Variants in ZNF346 observed in about 807,000 individuals in gnomAD.
The protein encoded by ZNF346 is zinc finger protein 346, also known as double-stranded RNA-binding zinc finger protein JAZ.
In ZNF346, 23 loss-of-function variants were observed where a neutral mutation model predicts 33.7. The ratio of observed to expected loss-of-function variants is 0.68; its 90% CI spans 0.49 to 0.97. ZNF346 has a LOEUF of 0.97. Among genes scored for constraint, ZNF346 ranks in the 50% least tolerant of loss-of-function variants. ZNF346 has a pLI of 0.00. For synonymous variants in ZNF346, 134 were observed against 142.4 expected, an observed-to-expected ratio of 0.94 and a Z score of 0.42; for missense variants, 340 against 371.1, an observed-to-expected ratio of 0.92 and a Z score of 0.69.
intron 1 of ZNF346, chr5:177,023,172 C>G: frequency 1.3e-6 from 2 of 1,536,204 alleles, no homozygotes; most frequent in Non-Finnish European, 1.7e-6. Context: ...CAGTTTTTCC[C>G]ACATTCGAGG....
chr5:177,026,966 A>G (rs1363533258), intron 1 of ZNF346, among the ~76,000 whole-genome samples: 1 of 152,178 alleles, frequency 6.6e-6, no homozygotes, highest in Non-Finnish European at 1.5e-5. Flanking sequence ...CTTAGCTCAA[A>G]AAGGGAGAAT....
At chr5:177,044,860 T>G (rs1200030588) in intron 4 of ZNF346, among the ~76,000 whole-genome samples, 1 of 152,148 alleles carries the variant, frequency 6.6e-6, no homozygotes, top group Non-Finnish European at 1.5e-5. Context: ...CCCACTAGAT[T>G]TTTCCATCCC....
At chr5:177,034,834 C>T (rs1778249074) in intron 1 of ZNF346, among the ~76,000 whole-genome samples, 2 of 152,298 alleles carry the variant, frequency 1.3e-5, no homozygotes, top group Non-Finnish European at 2.9e-5. Context: ...TGTCCAGCTT[C>T]ATAGGTTGAG....
intron 6 of ZNF346, among the ~76,000 whole-genome samples, chr5:177,062,844 A>G (rs774723664): frequency 2.0e-5 from 3 of 152,170 alleles, no homozygotes; most frequent in Non-Finnish European, 4.4e-5. Flanking sequence ...ATACATATAG[A>G]CAACCAGCAT....
At chr5:177,046,987 A>G (rs1780124920) in intron 4 of ZNF346, among the ~76,000 whole-genome samples, 2 of 151,998 alleles carry the variant, frequency 1.3e-5, no homozygotes, top group Non-Finnish European at 2.9e-5. Context: ...CAGTATGCAC[A>G]TATGGATTAC....
chr5:177,041,782 A>G lies in ZNF346; in HGVS notation c.284A>G (p.Lys95Arg). 6.2e-7 allele frequency: 1 copy of G among 1,612,384 alleles called. No homozygotes were observed. The highest frequency in any genetic ancestry group is 1.7e-5 in the Admixed American group (1 of 59,952). ...CTTTCTCCTGGGTTTTTGCAGAGCA[A>G]AAAACATGCCAACAAAGTGAAGAGA... ...ESQKLAHYQSKKHANKVKRYL... is the reference protein window; with the variant it reads ...ESQKLAHYQSRKHANKVKRYL... The change falls in exon 3 of 7, where the codon AAA becomes AGA. Residue 95 changes from lysine to arginine, a missense_variant. Coordinates refer to ENST00000358149, the MANE Select transcript of ZNF346 (RefSeq NM_012279.4).
chr5:177,023,162 C>T (rs1303522068), intron 1 of ZNF346: 6 of 1,534,420 alleles, frequency 3.9e-6, no homozygotes, highest in Admixed American at 3.9e-5. Context: ...CACTACAGCG[C>T]AGTTTTTCCC....
At chr5:177,031,791 G>A (rs1027077503) in intron 1 of ZNF346, among the ~76,000 whole-genome samples, 5 of 151,820 alleles carry the variant, frequency 3.3e-5, no homozygotes, top group Non-Finnish European at 1.5e-5. Flanking sequence ...ATTCTTCAAT[G>A]TTATTTCTCT....
intron 5 of ZNF346, among the ~76,000 whole-genome samples, chr5:177,057,416 A>T (rs1394681274): frequency 6.6e-6 from 1 of 151,944 alleles, no homozygotes; most frequent in Non-Finnish European, 1.5e-5. Flanking sequence ...GCAGGTGGCA[A>T]TCAAGCCAAA....
At chr5:177,071,672 G>T (rs150261438), downstream of ZNF346, among the ~76,000 whole-genome samples, 1 of 129,058 alleles carries the variant, frequency 7.7e-6, no homozygotes, top group Non-Finnish European at 1.6e-5. Context: ...GCGACAGAGC[G>T]AGACTCTGTC....
intron 6 of ZNF346, among the ~76,000 whole-genome samples, chr5:177,063,079 T>TTG (rs1782740196): frequency 1.3e-5 from 2 of 151,790 alleles, no homozygotes; most frequent in African/African-American, 4.8e-5. Flanking sequence ...TTTTTTTTTT[T>TTG]AGTAGAGATG....
intron 5 of ZNF346, among the ~76,000 whole-genome samples, chr5:177,053,248 G>A (rs1271093658): frequency 1.3e-5 from 2 of 150,790 alleles, no homozygotes; most frequent in South Asian, 2.1e-4. Context: ...CCCGGGAGGT[G>A]GAGGTTGCAG....
chr5:177,053,160 A>G (rs2149675270), intron 5 of ZNF346, among the ~76,000 whole-genome samples: 1 of 152,188 alleles, frequency 6.6e-6, no homozygotes, highest in Non-Finnish European at 1.5e-5. Context: ...TACTGAAAAT[A>G]GAAAAATTAG....
At chr5:177,079,837 G>A (rs1783909759) in exon 9 of ZNF346, 2 of 152,340 alleles carry the variant, frequency 1.3e-5, no homozygotes, top group South Asian at 4.1e-4. Flanking sequence ...CCCGGTGGGT[G>A]TGAGGCTTGT....
rs536952448 is a variant in ZNF346, at chr5:177,063,633, T to C, written c.798-879T>C. 4.6e-5 allele frequency among the ~76,000 whole-genome samples: 7 copies of C among 152,346 alleles called. No individual in the cohort carries two copies. In the South Asian group the frequency reaches 1.0e-3, roughly 23 times the overall value. On this transcript the variant is annotated intron_variant, in intron 6 of 6. Transcript: ENST00000358149. Reference sequence around the variant, plus strand: ...ACCTGAAATTGCCAGTGTTGTTCGCTGCTCTCTTGCTAAACTTTCCAGCAG... The same window carrying C: ...ACCTGAAATTGCCAGTGTTGTTCGCCGCTCTCTTGCTAAACTTTCCAGCAG...
intron 4 of ZNF346, 141 bp downstream of exon 4, chr5:177,044,674 GTAGACCC>G: frequency 1.2e-6 from 1 of 843,150 alleles, no homozygotes; most frequent in East Asian, 2.6e-5. Flanking sequence ...AAATCTCCAA[GTAGACCC>G]AGCTTCACTG....
chr5:177,028,707 C>CTTT (rs56172509), intron 1 of ZNF346, among the ~76,000 whole-genome samples: 22 of 67,398 alleles, frequency 3.3e-4, no homozygotes, highest in East Asian at 1.1e-3. Flanking sequence ...AAGCCCCTTT[C>CTTT]TTTTTTTTTT....
At chr5:177,044,289 G>A in intron 3 of ZNF346, 100 bp from the exon 4 acceptor site, 4 of 1,382,098 alleles carry the variant, frequency 2.9e-6, no homozygotes, top group Non-Finnish European at 2.0e-6. Context: ...TGTGTGAGGG[G>A]GGCCATAAAT....
At chr5:177,045,824 C>G (rs1445030106) in intron 4 of ZNF346, among the ~76,000 whole-genome samples, 1 of 152,086 alleles carries the variant, frequency 6.6e-6, no homozygotes, top group African/African-American at 2.4e-5. Context: ...ACACCCACAT[C>G]TAGTTATTCA....
Sources: gnomAD v4.1 joint callset for allele counts (sites outside exome capture counted in the v4.1 genomes callset) on GRCh38, gnomAD v4.1.1 for gene constraint, MANE v1.5 for transcripts, NCBI Gene and HGNC (gene_info 2026-07-23, HGNC 2026-07-21) for gene names.